The following NPTX2 variants were observed in gnomAD, a reference collection of about 807,000 sequenced individuals.
NPTX2 encodes the protein neuronal pentraxin 2, also known as neuronal pentraxin-2.
Under a neutral mutation model 38.1 loss-of-function variants are expected in NPTX2, and 23 were observed. That is an observed-to-expected ratio of 0.60 (90% confidence interval 0.43 to 0.85). The LOEUF (loss-of-function observed/expected upper bound fraction) is 0.85. NPTX2 is among the 40% of genes least tolerant of loss of function. The pLI is 0.00. For missense variants in NPTX2, 553 were observed against 615.3 expected, an observed-to-expected ratio of 0.90 and a Z score of 1.07; for synonymous variants, 291 against 287.3, an observed-to-expected ratio of 1.01 and a Z score of -0.13.
In NPTX2 at chr7:98,617,602, C is replaced by T; in HGVS notation, c.141C>T (p.Pro47=). ...VHAGCPLPAM[P]MQGGAQSPEE... is the part of the protein sequence containing the mutation. ...CCGGCTGCCCGCTGCCCGCGATGCC[C>T]ATGCAGGGCGGCGCGCAGAGTCCCG... The change falls in exon 1 of 5, where the codon CCC becomes CCT. Residue 47 remains proline (P), a synonymous_variant. Coordinates refer to ENST00000265634, the MANE Select transcript of NPTX2 (RefSeq NM_002523.3). 6.7e-7 allele frequency: 1 copy of T among 1,488,578 alleles called. No individual in the cohort carries two copies. Among genetic ancestry groups the T allele is most frequent in the South Asian group, 1.3e-5 (1 of 79,464 alleles). 92.2% of individuals were successfully genotyped at this position (1,488,578 alleles called of 1,614,324 possible).
chr7:98,617,592 C>T lies in NPTX2; in HGVS notation c.131C>T (p.Pro44Leu). ...GCGGTGCACGCCGGCTGCCCGCTGCCCGCGATGCCCATGCAGGGCGGCGCG... is the reference window on the plus strand; with the variant it reads ...GCGGTGCACGCCGGCTGCCCGCTGCTCGCGATGCCCATGCAGGGCGGCGCG... ...PEAVHAGCPLPAMPMQGGAQS... is the reference protein window; with the variant it reads ...PEAVHAGCPLLAMPMQGGAQS... Residue 44 changes from proline (P) to leucine (L), a missense_variant, in exon 1 of 5, where the codon CCC becomes CTC. Physicochemically the swap from Pro to Leu is moderately conservative, Grantham distance 98. Coordinates refer to ENST00000265634, the MANE Select transcript of NPTX2 (RefSeq NM_002523.3). The T allele has an allele frequency of 2.0e-6, 3 of 1,485,960 alleles. No homozygotes were observed. Among genetic ancestry groups the T allele is most frequent in the Non-Finnish European group, 2.7e-6 (3 of 1,125,494 alleles). The allele number at this position is 1,485,960 out of a possible 1,614,324, so 92.0% of individuals were successfully genotyped here.
intron 2 of NPTX2, among the ~76,000 whole-genome samples, chr7:98,620,524 A>G (rs1376563805): frequency 6.6e-6 from 1 of 151,784 alleles, no homozygotes; most frequent in Non-Finnish European, 1.5e-5. Flanking sequence ...CTACAGAAAA[A>G]CCTATCCTTT....
chr7:98,620,540 TGGC>T (rs1791255302), intron 2 of NPTX2, among the ~76,000 whole-genome samples: 1 of 152,212 alleles, frequency 6.6e-6, no homozygotes, highest in African/African-American at 2.4e-5. Flanking sequence ...CCTTTCTTCC[TGGC>T]CCTTCTCAGA....
At position 98,625,516 on chromosome 7, in the gene NPTX2, G is replaced by T. The variant is rs534717693; in HGVS notation, c.888+350G>T. On this transcript the variant is annotated intron_variant, in intron 3 of 4. Transcript: ENST00000265634. ...TCCCCAGGGCCACACTGATTAAGGG[G>T]GTGTGTGTGTCTCAGTGTAAGAGAC... Among the ~76,000 whole-genome samples the T allele has an allele frequency of 2.6e-4, 39 of 152,204 alleles. 1 individual carries two copies. The South Asian group carries it at 7.7e-3, about 30-fold the overall frequency.
intron 3 of NPTX2, among the ~76,000 whole-genome samples, chr7:98,626,587 G>A (rs1260803675): frequency 6.6e-6 from 1 of 152,230 alleles, no homozygotes; most frequent in African/African-American, 2.4e-5. Context: ...GTTGCTAGGA[G>A]ACCAGCAGCA....
At chr7:98,626,912 G>C (rs1284400408) in intron 3 of NPTX2, among the ~76,000 whole-genome samples, 1 of 152,212 alleles carries the variant, frequency 6.6e-6, no homozygotes, top group East Asian at 1.9e-4. Context: ...GGCCAGCGTG[G>C]GGGTGTTGAC....
In NPTX2 at chr7:98,628,733, C is replaced by G. The variant is rs994073916; in HGVS notation, c.*104C>G. 1.7e-6 allele frequency: 1 copy of G among 586,064 alleles called. No individual in the cohort carries two copies. Among genetic ancestry groups the G allele is most frequent in the Non-Finnish European group, 3.0e-6 (1 of 329,684 alleles). 36.3% of individuals were successfully genotyped at this position (586,064 alleles called of 1,614,324 possible). On this transcript the variant is annotated 3_prime_UTR_variant, in exon 5 of 5. Coordinates refer to ENST00000265634, the MANE Select transcript of NPTX2 (RefSeq NM_002523.3). ...CTCTTGTCAGTCTGGGCTCAGGGTTCCCAGAGCTCATTCCCCAGGAATCTC... is the reference window on the plus strand; with the variant it reads ...CTCTTGTCAGTCTGGGCTCAGGGTTGCCAGAGCTCATTCCCCAGGAATCTC...
intron 2 of NPTX2, among the ~76,000 whole-genome samples, chr7:98,621,597 A>G (rs1791270681): frequency 6.6e-6 from 1 of 152,224 alleles, no homozygotes. Flanking sequence ...ATTGGAAACG[A>G]TGCCAAGTTT....
Position 98,617,459 on chromosome 7 carries a change from G to T in NPTX2, c.-3G>T. ...CCGAGCTGAGCGCGGCAGCGGCGGC[G>T]GGATGCTGGCGCTGCTGGCCGCCAG... On this transcript the variant is annotated 5_prime_UTR_variant, in exon 1 of 5. Coordinates refer to ENST00000265634, the MANE Select transcript of NPTX2 (RefSeq NM_002523.3). The T allele has an allele frequency of 9.4e-7, 1 of 1,066,228 alleles. No homozygotes were observed. The highest frequency in any genetic ancestry group is 1.2e-6 in the Non-Finnish European group (1 of 841,874). The allele number at this position is 1,066,228 out of a possible 1,614,324, so 66.0% of individuals were successfully genotyped here. A position where few individuals can be genotyped will look rare whatever the true frequency, so the allele number is the denominator to read the frequency against.
intron 4 of NPTX2, 36 bp downstream of exon 4, chr7:98,627,380 G>A (rs1479127998): frequency 6.3e-7 from 1 of 1,582,946 alleles, no homozygotes; most frequent in East Asian, 2.2e-5. Flanking sequence ...GCACAGGGTG[G>A]GTGCAGGATG....
At chr7:98,619,996 T>TA (rs1454380100) in intron 2 of NPTX2, 137 bp downstream of exon 2, 13 of 735,352 alleles carry the variant, frequency 1.8e-5, no homozygotes, top group Non-Finnish European at 3.0e-5. Context: ...GAGCAAATAA[T>TA]AAAGGCGACT....
rs568874583 is a variant in NPTX2 at position 98,624,861 on chromosome 7, G to A, written c.644-61G>A. The A allele has an allele frequency of 4.2e-5, 65 of 1,565,958 alleles. No homozygotes were observed. The African/African-American group carries it at 4.3e-4, about 10-fold the overall frequency. ...GTCTAGCAAGATGTGGCTCTGGGCC[G>A]TGCTGGTGGGTGGTGGGGTGGCCTA... On this transcript the variant is annotated intron_variant, in intron 2 of 4. Coordinates refer to ENST00000265634, the MANE Select transcript of NPTX2 (RefSeq NM_002523.3).
rs377012097 is a variant in NPTX2 at position 98,619,711 on chromosome 7, G to C, written c.495G>C (p.Arg165=). The C allele has an allele frequency of 6.8e-6, 11 of 1,613,272 alleles. No homozygotes were observed. Among genetic ancestry groups the C allele is most frequent in the African/African-American group, 1.3e-5 (1 of 75,068 alleles). The change falls in exon 2 of 5, where the codon CGG becomes CGC. Residue 165 remains arginine, a synonymous_variant. Coordinates refer to ENST00000265634, the MANE Select transcript of NPTX2 (RefSeq NM_002523.3). The part of the protein sequence containing the change: ...PGDFREVLQQ[R]LGELERQLLR... ...ACTTCCGCGAGGTGCTCCAGCAGCG[G>C]CTGGGGGAGCTGGAGAGGCAGCTTC...
chr7:98,618,641 C>A (rs1299462500), intron 1 of NPTX2, among the ~76,000 whole-genome samples: 1 of 143,948 alleles, frequency 6.9e-6, no homozygotes, highest in Non-Finnish European at 1.5e-5. Flanking sequence ...ATCTCTATCT[C>A]TGAAAATGCG....
rs760521618 is a variant in NPTX2 at position 98,619,890 on chromosome 7, A to G, written c.643+31A>G. 6 of 1,593,692 alleles carry G rather than the reference A, an allele frequency of 3.8e-6. No individual in the cohort carries two copies. In the Admixed American group the frequency reaches 1.0e-4, roughly 27 times the overall value. ...TGCCTGGCCTGTTTCTCTGTCTGGC[A>G]GTGGCCTGATTTTCACCACTTGTGG... On this transcript the variant is annotated intron_variant, in intron 2 of 4. Coordinates refer to ENST00000265634, the MANE Select transcript of NPTX2 (RefSeq NM_002523.3).
intron 3 of NPTX2, among the ~76,000 whole-genome samples, 183 bp downstream of exon 3, chr7:98,625,349 G>A (rs957040195): frequency 5.9e-5 from 9 of 152,214 alleles, no homozygotes; most frequent in African/African-American, 1.4e-4. Context: ...TCACAGGGGC[G>A]GGGTGGGGAG....
At position 98,629,591 on chromosome 7, in the gene NPTX2, ACTC is replaced by A. The variant is rs1791411132; in HGVS notation, c.*966_*968del. On this transcript the variant is annotated 3_prime_UTR_variant, in exon 5 of 5. Transcript: ENST00000265634. ...TCTTCATCAAGTATTTCCCTACAGAACTCCTCAAGAAAACAGAGATCATTTGGC... is the reference window on the plus strand; with the variant it reads ...TCTTCATCAAGTATTTCCCTACAGAACTCAAGAAAACAGAGATCATTTGGC... The A allele has an allele frequency of 1.3e-5, 2 of 152,164 alleles. No homozygotes were observed. The highest frequency in any genetic ancestry group is 1.5e-5 in the Non-Finnish European group (1 of 67,972). 9.4% of individuals were successfully genotyped at this position (152,164 alleles called of 1,614,324 possible).
At chr7:98,628,051 T>TG (rs1791382987) in intron 4 of NPTX2, among the ~76,000 whole-genome samples, 1 of 152,190 alleles carries the variant, frequency 6.6e-6, no homozygotes, top group East Asian at 1.9e-4. Flanking sequence ...CCAGGTGCAC[T>TG]GGGGGGCTTT....
intron 2 of NPTX2, among the ~76,000 whole-genome samples, chr7:98,622,663 A>C (rs974673058): frequency 2.6e-5 from 4 of 152,150 alleles, no homozygotes; most frequent in Non-Finnish European, 5.9e-5. Context: ...TCTCTCTCTC[A>C]GTTTTGCTTT....
Sources: gnomAD v4.1 joint callset for allele counts (sites outside exome capture counted in the v4.1 genomes callset) on GRCh38, gnomAD v4.1.1 for gene constraint, MANE v1.5 for transcripts, NCBI Gene and HGNC (gene_info 2026-07-23, HGNC 2026-07-21) for gene names.